The following ATP13A5 variants were observed in gnomAD, a reference collection of about 807,000 sequenced individuals.
ATP13A5 encodes ATPase 13A5.
Under a neutral mutation model 150.2 loss-of-function variants are expected in ATP13A5, and 149 were observed. That is an observed-to-expected ratio of 0.99 (90% CI 0.87 to 1.14). ATP13A5 has a LOEUF of 1.14. ATP13A5 is among the 50% of genes most tolerant of loss of function. The pLI is 0.00. For missense variants in ATP13A5, 1,383 were observed against 1,449.3 expected, an observed-to-expected ratio of 0.95 and a Z score of 0.74; for synonymous variants, 497 against 522.2, an observed-to-expected ratio of 0.95 and a Z score of 0.66.
intron 12 of ATP13A5, among the ~76,000 whole-genome samples, chr3:193,330,891 TAA>T (rs1711602907): frequency 6.6e-6 from 1 of 152,180 alleles, no homozygotes; most frequent in Non-Finnish European, 1.5e-5. Flanking sequence ...CACAAATTAT[TAA>T]GTTTCACAGA....
rs756320899 is a variant in ATP13A5 at position 193,326,983 on chromosome 3, A to G, written c.1523+13T>C. 1.2e-6 allele frequency: 2 copies of G among 1,613,188 alleles called. No individual in the cohort carries two copies. The highest frequency in any genetic ancestry group is 1.1e-5 in the South Asian group (1 of 91,020). ...CACCAAACACACCTTCCATTTTCAC[A>G]TAAGAGGCCTACCAGTTGTCAGCAG... On this transcript the variant is annotated intron_variant, in intron 13 of 29. Coordinates refer to ENST00000342358, the MANE Select transcript of ATP13A5 (RefSeq NM_198505.4).
chr3:193,351,271 A>G (rs1157058605), intron 6 of ATP13A5, 70 bp from the exon 7 acceptor site: 38 of 1,559,110 alleles, frequency 2.4e-5, no homozygotes, highest in Admixed American at 3.7e-5. Context: ...ATGTCATTTC[A>G]TTATCAATTT....
At chr3:193,311,731 T>C in intron 20 of ATP13A5, 85 bp downstream of exon 20, 1 of 1,549,242 alleles carries the variant, frequency 6.5e-7, no homozygotes, top group Non-Finnish European at 8.7e-7. Flanking sequence ...GCAACCTCAG[T>C]GATCACTGTT....
At chr3:193,363,982 T>C in intron 2 of ATP13A5, 125 bp downstream of exon 2, 1 of 1,086,212 alleles carries the variant, frequency 9.2e-7, no homozygotes, top group South Asian at 1.7e-5. Context: ...TTTTGATCTA[T>C]GGAAACTCTT....
At chr3:193,329,101 T>G (rs1246546674) in intron 12 of ATP13A5, among the ~76,000 whole-genome samples, 1 of 151,794 alleles carries the variant, frequency 6.6e-6, no homozygotes, top group Non-Finnish European at 1.5e-5. Context: ...AAAAATTAGC[T>G]GGGCATGGTG....
In ATP13A5 at chr3:193,287,663, T is replaced by C. The variant is rs145821683; in HGVS notation, c.3023+2222A>G. ...CCTGGTCACCCTTCAAGAGCACTGA[T>C]GGAGATGTATAAGGAAATTAATGTT... On this transcript the variant is annotated intron_variant, in intron 26 of 29. Coordinates refer to ENST00000342358, the MANE Select transcript of ATP13A5 (RefSeq NM_198505.4). Among the ~76,000 whole-genome samples, 3 of 152,278 alleles carry C rather than the reference T, an allele frequency of 2.0e-5. No individual in the cohort carries two copies. The East Asian group carries it at 5.8e-4, about 29-fold the overall frequency.
At position 193,363,996 on chromosome 3, in the gene ATP13A5, A is replaced by C; in HGVS notation, c.237+111T>G. 5.0e-6 allele frequency: 6 copies of C among 1,211,850 alleles called. No individual in the cohort carries two copies. In the South Asian group the frequency reaches 6.4e-5, roughly 13 times the overall value. The allele number at this position is 1,211,850 out of a possible 1,614,324, so 75.1% of individuals were successfully genotyped here. A position where few individuals can be genotyped will look rare whatever the true frequency, so the allele number is the denominator to read the frequency against. ...GTTTTGATCTATGGAAACTCTTTAA[A>C]TAGAGGAAATCTACCTTCTGAAATA... On this transcript the variant is annotated intron_variant, in intron 2 of 29. Coordinates refer to ENST00000342358, the MANE Select transcript of ATP13A5 (RefSeq NM_198505.4).
At chr3:193,375,371 C>T (rs1456999350) in intron 1 of ATP13A5, among the ~76,000 whole-genome samples, 1 of 152,172 alleles carries the variant, frequency 6.6e-6, no homozygotes, top group African/African-American at 2.4e-5. Flanking sequence ...GCTATATAAC[C>T]TGGAGGCTTC....
intron 10 of ATP13A5, 116 bp from the exon 11 acceptor site, chr3:193,334,023 T>C: frequency 1.1e-6 from 1 of 918,152 alleles, no homozygotes; most frequent in Non-Finnish European, 1.6e-6. Context: ...TTCTACCTAA[T>C]CATTTTATAA....
intron 19 of ATP13A5, chr3:193,313,739 T>G (rs1380892995): frequency 3.4e-6 from 1 of 294,772 alleles, no homozygotes; most frequent in Non-Finnish European, 6.3e-6. Context: ...TATAAATCAG[T>G]AGTTCTCAGC....
In ATP13A5 at chr3:193,277,860, C is replaced by T. The variant is rs1577318686; in HGVS notation, c.3316-1030G>A. On this transcript the variant is annotated intron_variant, in intron 28 of 29. Coordinates refer to ENST00000342358, the MANE Select transcript of ATP13A5 (RefSeq NM_198505.4). ...TTTGTTTAATTTTGAGATGGAGTCT[C>T]GCTCTCTCAGGCTGGAGTGCAGTGG... 3.9e-5 allele frequency: 6 copies of T among 152,386 alleles called. No homozygotes were observed. The South Asian group carries it at 8.3e-4, about 21-fold the overall frequency. 9.4% of individuals were successfully genotyped at this position (152,386 alleles called of 1,614,324 possible). A position where few individuals can be genotyped will look rare whatever the true frequency, so the allele number is the denominator to read the frequency against.
chr3:193,307,840 T>C (rs939057929), intron 21 of ATP13A5, among the ~76,000 whole-genome samples: 2 of 152,202 alleles, frequency 1.3e-5, no homozygotes, highest in Non-Finnish European at 2.9e-5. Context: ...TAGAGACATA[T>C]ATTCATATTT....
At chr3:193,286,867 A>G (rs949741212) in intron 26 of ATP13A5, among the ~76,000 whole-genome samples, 1 of 152,198 alleles carries the variant, frequency 6.6e-6, no homozygotes, top group African/African-American at 2.4e-5. Context: ...CTCTTGCACC[A>G]GTTAGCCAAG....
intron 26 of ATP13A5, among the ~76,000 whole-genome samples, chr3:193,289,134 G>T (rs1325331626): frequency 6.6e-6 from 1 of 152,110 alleles, no homozygotes; most frequent in East Asian, 1.9e-4. Context: ...GTGAGGGGCA[G>T]TTTGCACATT....
At position 193,319,071 on chromosome 3, in the gene ATP13A5, C is replaced by T. The variant is rs765526296; in HGVS notation, c.1953G>A (p.Thr651=). 1.1e-5 allele frequency: 17 copies of T among 1,613,840 alleles called. No individual in the cohort carries two copies. Among genetic ancestry groups the T allele is most frequent in the Non-Finnish European group, 1.3e-5 (15 of 1,179,828 alleles). The change falls in exon 17 of 30, where the codon ACG becomes ACA. Residue 651 remains threonine, a synonymous_variant. Transcript: ENST00000342358. ...GAGCAATGACACGGAAGCCTTGCAC[C>T]GTGTAACTCCTCAGTTCCTGTGGGA... is the stretch of plus-strand genomic sequence containing the variant. ...KNFPQELRSY[T]VQGFRVIALA... is the part of the protein sequence containing the mutation.
At position 193,322,481 on chromosome 3, in the gene ATP13A5, G is replaced by T. The variant is rs777056532; in HGVS notation, c.1758+10C>A. On this transcript the variant is annotated intron_variant, in intron 15 of 29. Transcript: ENST00000342358. ...GAAAGAGCTATGTGATGTAAAGAAG[G>T]AAATCATACCTTACTGGCTTTTGGT... The T allele has an allele frequency of 1.2e-6, 2 of 1,603,760 alleles. No individual in the cohort carries two copies. Among genetic ancestry groups the T allele is most frequent in the South Asian group, 2.2e-5 (2 of 90,282 alleles).
intron 26 of ATP13A5, among the ~76,000 whole-genome samples, chr3:193,289,072 T>C (rs1717839722): frequency 1.3e-5 from 2 of 152,206 alleles, no homozygotes; most frequent in African/African-American, 2.4e-5. Flanking sequence ...AATGACAATC[T>C]GATCATTTGC....
Position 193,373,044 on chromosome 3 carries a change from G to T in ATP13A5, c.63+5619C>A, listed in dbSNP as rs539692313. ...TTTTAATCCTTTGAGTGGTTTTTTT[G>T]AGGGGAAGTTCTTTATTGGAGGACA... On this transcript the variant is annotated intron_variant, in intron 1 of 29. Coordinates refer to ENST00000342358, the MANE Select transcript of ATP13A5 (RefSeq NM_198505.4). Among the ~76,000 whole-genome samples the T allele has an allele frequency of 8.5e-4, 129 of 152,194 alleles. 3 individuals are homozygous for T. The South Asian group carries it at 0.027, about 32-fold the overall frequency.
At chr3:193,322,789 A>G (rs910811351) in intron 14 of ATP13A5, among the ~76,000 whole-genome samples, 1 of 152,236 alleles carries the variant, frequency 6.6e-6, no homozygotes, top group African/African-American at 2.4e-5. Context: ...AAATATTGTG[A>G]ATTCATTTTA....
Sources: allele counts gnomAD v4.1 joint callset (sites outside exome capture counted in the v4.1 genomes callset), GRCh38; gene constraint gnomAD v4.1.1; transcripts MANE v1.5; gene names NCBI Gene and HGNC (gene_info 2026-07-23, HGNC 2026-07-21).